The following CAMKMT variants were observed in gnomAD, a reference collection of about 807,000 sequenced individuals.
CAMKMT encodes calmodulin-lysine N-methyltransferase.
CAMKMT carries 53 observed loss-of-function variants against 48.0 expected under a neutral mutation model. That is an observed-to-expected ratio of 1.10 (90% CI 0.89 to 1.39). The LOEUF is 1.39. Among genes scored for constraint, CAMKMT ranks in the 40% most tolerant of loss-of-function variants. CAMKMT has a pLI of 0.00. For synonymous variants in CAMKMT, 165 were observed against 152.3 expected, an observed-to-expected ratio of 1.08 and a Z score of -0.61; for missense variants, 428 against 402.7, an observed-to-expected ratio of 1.06 and a Z score of -0.54.
At chr2:44,566,007 C>T (rs1009524199) in intron 3 of CAMKMT, among the ~76,000 whole-genome samples, 1 of 152,062 alleles carries the variant, frequency 6.6e-6, no homozygotes. Context: ...AATTAGATGG[C>T]GCTAAAAAGT....
At chr2:44,543,470 G>C (rs1470869313) in intron 3 of CAMKMT, among the ~76,000 whole-genome samples, 1 of 152,158 alleles carries the variant, frequency 6.6e-6, no homozygotes, top group Non-Finnish European at 1.5e-5. Flanking sequence ...TATCTAGAAG[G>C]AGGAAGAATG....
chr2:44,395,299 A>G (rs2104428349), intron 3 of CAMKMT, among the ~76,000 whole-genome samples: 1 of 152,292 alleles, frequency 6.6e-6, no homozygotes, highest in South Asian at 2.1e-4. Flanking sequence ...TATAATGCAT[A>G]TATGTAGCAT....
rs1025617552 is a variant in CAMKMT, at chr2:44,772,358, G to T, written c.*245G>T. 5.9e-5 allele frequency: 21 copies of T among 356,570 alleles called. No homozygotes were observed. Among genetic ancestry groups the T allele is most frequent in the Non-Finnish European group, 9.5e-5 (19 of 199,198 alleles). The allele number at this position is 356,570 out of a possible 1,614,324, so 22.1% of individuals were successfully genotyped here. A position where few individuals can be genotyped will look rare whatever the true frequency, so the allele number is the denominator to read the frequency against. ...CCTAAACCTTTGTTTGTCTTTAAAT[G>T]TGTATAAGCTGCCTGTCTGTGACTT... On this transcript the variant is annotated 3_prime_UTR_variant, in exon 11 of 11. Coordinates refer to ENST00000378494, the MANE Select transcript of CAMKMT (RefSeq NM_024766.5).
chr2:44,384,626 T>C (rs552749211), intron 2 of CAMKMT, among the ~76,000 whole-genome samples: 186 of 152,096 alleles, frequency 1.2e-3, no homozygotes, highest in Non-Finnish European at 1.9e-3. Flanking sequence ...AGGTCTTAGA[T>C]TTAAGTCCTC....
At chr2:44,635,329 G>T (rs1199846622) in intron 3 of CAMKMT, among the ~76,000 whole-genome samples, 3 of 152,046 alleles carry the variant, frequency 2.0e-5, no homozygotes, top group Non-Finnish European at 4.4e-5. Context: ...AAAGCTACTG[G>T]CCTCCAAAGT....
At chr2:44,400,865 C>T (rs1041886258) in intron 3 of CAMKMT, 28 of 147,840 alleles carry the variant, frequency 1.9e-4, no homozygotes, top group African/African-American at 6.7e-4. Flanking sequence ...AGTAGAACTA[C>T]TGGAGAAGTT....
intron 3 of CAMKMT, among the ~76,000 whole-genome samples, chr2:44,675,841 C>G (rs759558558): frequency 2.0e-4 from 30 of 152,276 alleles, no homozygotes; most frequent in Admixed American, 3.9e-4. Context: ...TCCCCTCCCC[C>G]AGCCCTTGGC....
chr2:44,711,826 T>C (rs189688235), intron 6 of CAMKMT, among the ~76,000 whole-genome samples: 3 of 152,202 alleles, frequency 2.0e-5, no homozygotes, highest in Admixed American at 2.0e-4. Context: ...TCATTACTTC[T>C]GTTTTAGAGA....
intron 3 of CAMKMT, among the ~76,000 whole-genome samples, chr2:44,680,653 C>T (rs1318844789): frequency 6.6e-6 from 1 of 152,136 alleles, no homozygotes; most frequent in African/African-American, 2.4e-5. Context: ...CCACTTAATT[C>T]CCTAAGAAGC....
intron 3 of CAMKMT, among the ~76,000 whole-genome samples, chr2:44,488,358 G>A (rs975149834): frequency 6.6e-6 from 1 of 152,132 alleles, no homozygotes. Flanking sequence ...AAAAAAATTA[G>A]CTGAGTGTGG....
At chr2:44,745,866 A>C (rs1407373422) in intron 8 of CAMKMT, among the ~76,000 whole-genome samples, 2 of 152,230 alleles carry the variant, frequency 1.3e-5, no homozygotes, top group Non-Finnish European at 2.9e-5. Flanking sequence ...TGCATGTAGC[A>C]GTGAAGCACA....
intron 3 of CAMKMT, among the ~76,000 whole-genome samples, chr2:44,398,403 A>C (rs987254459): frequency 6.6e-6 from 1 of 152,204 alleles, no homozygotes; most frequent in Non-Finnish European, 1.5e-5. Flanking sequence ...ATTAAAGGTC[A>C]AGAAAAATGG....
chr2:44,622,947 C>T (rs545472809), intron 3 of CAMKMT, among the ~76,000 whole-genome samples: 2 of 152,180 alleles, frequency 1.3e-5, no homozygotes, highest in African/African-American at 4.8e-5. Context: ...ATATGCATTC[C>T]CACCAACAGT....
At chr2:44,386,586 G>A (rs1012936283) in intron 2 of CAMKMT, among the ~76,000 whole-genome samples, 10 of 151,926 alleles carry the variant, frequency 6.6e-5, no homozygotes, top group Admixed American at 3.3e-4. Flanking sequence ...TGTTTCTCTA[G>A]TTCCTTGAGG....
intron 7 of CAMKMT, among the ~76,000 whole-genome samples, chr2:44,742,050 C>T (rs1455644139): frequency 6.6e-6 from 1 of 151,890 alleles, no homozygotes. Flanking sequence ...TAGATGTATA[C>T]TTTAAACCAT....
intron 8 of CAMKMT, among the ~76,000 whole-genome samples, chr2:44,747,257 A>T (rs1679959915): frequency 6.6e-6 from 1 of 152,206 alleles, no homozygotes; most frequent in Non-Finnish European, 1.5e-5. Flanking sequence ...TAAATGATGA[A>T]AAATGTTTGA....
intron 1 of CAMKMT, among the ~76,000 whole-genome samples, chr2:44,368,506 G>A (rs7606157): frequency 0.12 from 18,870 of 152,068 alleles, 3,836 homozygotes; most frequent in African/African-American, 0.43. Flanking sequence ...GCTTGTTGTC[G>A]TATTGTCGAT....
intron 3 of CAMKMT, among the ~76,000 whole-genome samples, chr2:44,437,950 G>GC (rs1553389900): frequency 2.0e-5 from 3 of 150,190 alleles, no homozygotes; most frequent in African/African-American, 7.3e-5. Context: ...AGTAATGTGT[G>GC]TTTTTTTTTC....
At chr2:44,592,859 C>G (rs1376887423) in intron 3 of CAMKMT, among the ~76,000 whole-genome samples, 1 of 152,102 alleles carries the variant, frequency 6.6e-6, no homozygotes, top group Non-Finnish European at 1.5e-5. Context: ...CTTGGTAAAG[C>G]TTCAACTGGC....
Sources: allele counts gnomAD v4.1 joint callset (sites outside exome capture counted in the v4.1 genomes callset), GRCh38; gene constraint gnomAD v4.1.1; transcripts MANE v1.5; gene names NCBI Gene and HGNC (gene_info 2026-07-23, HGNC 2026-07-21).